The following MGMT variants were observed in gnomAD, a reference collection of about 807,000 sequenced individuals.
MGMT encodes the protein methylated-DNA--protein-cysteine methyltransferase.
A neutral mutation model predicts 15.9 loss-of-function variants in MGMT; 14 were observed. The ratio of observed to expected loss-of-function variants is 0.88; its 90% CI spans 0.58 to 1.37. The LOEUF is 1.37. MGMT is among the 40% of genes most tolerant of loss of function. MGMT has a pLI of 0.00. For synonymous variants in MGMT, 130 were observed against 118.2 expected (o/e 1.10, Z -0.65); for missense variants, 282 against 268.1 (o/e 1.05, Z -0.36).
intron 2 of MGMT, among the ~76,000 whole-genome samples, chr10:129,655,984 C>T (rs1847520903): frequency 6.6e-6 from 1 of 152,160 alleles, no homozygotes. Flanking sequence ...TCAGAGGTGC[C>T]CTGGCCTGGG....
chr10:129,736,561 A>T (rs1374618359), intron 3 of MGMT, among the ~76,000 whole-genome samples: 6 of 150,216 alleles, frequency 4.0e-5, no homozygotes, highest in Non-Finnish European at 7.4e-5. Context: ...GTCCATTTAC[A>T]TTTAAAGTTA....
intron 1 of MGMT, among the ~76,000 whole-genome samples, chr10:129,525,400 G>A (rs926659532): frequency 6.6e-6 from 1 of 152,160 alleles, no homozygotes; most frequent in African/African-American, 2.4e-5. Context: ...GTCTGCTTCT[G>A]GGATCTGATG....
At chr10:129,698,552 G>A (rs541653230) in intron 2 of MGMT, among the ~76,000 whole-genome samples, 11 of 152,172 alleles carry the variant, frequency 7.2e-5, no homozygotes, top group Non-Finnish European at 1.3e-4. Context: ...AAAGAAGAAC[G>A]TGCCCTCATG....
intron 2 of MGMT, among the ~76,000 whole-genome samples, chr10:129,550,726 G>T (rs536254612): frequency 6.6e-6 from 1 of 152,114 alleles, no homozygotes; most frequent in African/African-American, 2.4e-5. Flanking sequence ...GATTACAGGC[G>T]TGAGCCACCG....
intron 1 of MGMT, among the ~76,000 whole-genome samples, chr10:129,519,644 C>T (rs543058439): frequency 9.9e-5 from 15 of 152,272 alleles, no homozygotes; most frequent in South Asian, 4.2e-4. Context: ...CTCTTCCATT[C>T]GGGACACTGA....
chr10:129,527,305 C>T (rs566035638), intron 1 of MGMT, among the ~76,000 whole-genome samples: 2 of 148,246 alleles, frequency 1.3e-5, no homozygotes, highest in Non-Finnish European at 2.9e-5. Context: ...TGGAGCCCCC[C>T]TTAGGACCGA....
At chr10:129,654,826 G>T (rs1847505815) in intron 2 of MGMT, among the ~76,000 whole-genome samples, 1 of 152,134 alleles carries the variant, frequency 6.6e-6, no homozygotes. Context: ...GTGGGGGGCT[G>T]TATGGGCATT....
chr10:129,657,271 T>G (rs1847534907), intron 2 of MGMT, among the ~76,000 whole-genome samples: 1 of 152,090 alleles, frequency 6.6e-6, no homozygotes, highest in Non-Finnish European at 1.5e-5. Context: ...TGCATTCCAT[T>G]GAAAATTCAG....
At chr10:129,584,855 A>T (rs184485729) in intron 2 of MGMT, among the ~76,000 whole-genome samples, 1 of 152,308 alleles carries the variant, frequency 6.6e-6, no homozygotes, top group Admixed American at 6.5e-5. Flanking sequence ...CATCATGTGG[A>T]TGAACCACAT....
chr10:129,716,877 A>T (rs1848305159), intron 3 of MGMT, among the ~76,000 whole-genome samples: 1 of 152,236 alleles, frequency 6.6e-6, no homozygotes, highest in Non-Finnish European at 1.5e-5. Context: ...AAAAGAAGAT[A>T]ACAAAATGGT....
In MGMT at chr10:129,768,234, C is replaced by T. The variant is rs895106636; in HGVS notation, c.*1237C>T. 1.3e-4 allele frequency among the ~76,000 whole-genome samples: 20 copies of T among 152,190 alleles called. No homozygotes were observed. Among genetic ancestry groups the T allele is most frequent in the African/African-American group, 3.9e-4 (16 of 41,448 alleles). ...TATCTTAACACCAACGAAAGAAAACCGATTTCAGACGTTTTTCGCTGATTT... is the reference window on the plus strand; with the variant it reads ...TATCTTAACACCAACGAAAGAAAACTGATTTCAGACGTTTTTCGCTGATTT... On this transcript the variant is annotated 3_prime_UTR_variant, in exon 5 of 5. Coordinates refer to ENST00000651593, the MANE Select transcript of MGMT (RefSeq NM_002412.5).
At chr10:129,596,417 T>C (rs1440540797) in intron 2 of MGMT, among the ~76,000 whole-genome samples, 2 of 152,154 alleles carry the variant, frequency 1.3e-5, no homozygotes, top group Non-Finnish European at 2.9e-5. Flanking sequence ...TGGAAAGAAG[T>C]GTTCTGTATG....
Position 129,556,662 on chromosome 10 carries a change from C to T in MGMT, c.125+20285C>T, listed in dbSNP as rs1396216166. On this transcript the variant is annotated intron_variant, in intron 2 of 4. Coordinates refer to ENST00000651593, the MANE Select transcript of MGMT (RefSeq NM_002412.5). The surrounding 1 kb of genome is among the most constrained non-coding windows in gnomAD (Gnocchi z 4.3). ...CCCAGACAGTGTTCATAAACACCGA[C>T]GGCAAAGTCAGGACGGGCAGGAGCG... Among the ~76,000 whole-genome samples the T allele has an allele frequency of 6.6e-6, 1 of 152,158 alleles. No homozygotes were observed. Among genetic ancestry groups the T allele is most frequent in the Admixed American group, 6.5e-5 (1 of 15,284 alleles).
intron 2 of MGMT, among the ~76,000 whole-genome samples, chr10:129,695,728 C>T (rs1848023350): frequency 6.6e-6 from 1 of 152,176 alleles, no homozygotes; most frequent in African/African-American, 2.4e-5. Context: ...CAAGCCTGTT[C>T]TTTAATAGAG....
intron 3 of MGMT, among the ~76,000 whole-genome samples, chr10:129,724,800 T>C (rs1848413371): frequency 6.6e-6 from 1 of 152,234 alleles, no homozygotes; most frequent in Non-Finnish European, 1.5e-5. Flanking sequence ...GGCTGGGGTT[T>C]TTCATAATAT....
intron 1 of MGMT, among the ~76,000 whole-genome samples, chr10:129,524,862 T>C (rs935299970): frequency 2.0e-5 from 3 of 152,092 alleles, no homozygotes; most frequent in African/African-American, 7.2e-5. Flanking sequence ...AGTGCTGGGA[T>C]TACAGTTGTG....
At chr10:129,469,710 A>T (rs1297664018) in intron 1 of MGMT, among the ~76,000 whole-genome samples, 1 of 152,046 alleles carries the variant, frequency 6.6e-6, no homozygotes. Context: ...GCAGAATATT[A>T]TTTTATTATT....
rs189053544 is a variant in MGMT at position 129,737,198 on chromosome 10, A to G, written c.275-22004A>G. On this transcript the variant is annotated intron_variant, in intron 3 of 4. Coordinates refer to ENST00000651593, the MANE Select transcript of MGMT (RefSeq NM_002412.5). ...CTCCCTGTCACTTTCAGGTACACCAATCAGACATAGATTTGGTATTTTCAC... is the reference window on the plus strand; with the variant it reads ...CTCCCTGTCACTTTCAGGTACACCAGTCAGACATAGATTTGGTATTTTCAC... Among the ~76,000 whole-genome samples, 367 of 152,288 alleles carry G rather than the reference A, an allele frequency of 2.4e-3. 7 individuals carry two copies. Among genetic ancestry groups the G allele is most frequent in the Admixed American group, 0.016 (238 of 15,290 alleles).
chr10:129,712,915 C>T (rs1848249034), intron 3 of MGMT, among the ~76,000 whole-genome samples: 1 of 152,152 alleles, frequency 6.6e-6, no homozygotes, highest in South Asian at 2.1e-4. Context: ...GGCATATTAG[C>T]CCTCCTCACC....
Sources: allele counts gnomAD v4.1 joint callset (sites outside exome capture counted in the v4.1 genomes callset), GRCh38; gene constraint gnomAD v4.1.1; non-coding constraint Gnocchi (gnomAD v3.1); transcripts MANE v1.5; gene names NCBI Gene and HGNC (gene_info 2026-07-23, HGNC 2026-07-21).